The following NFIX variants were observed in gnomAD, a reference collection of about 807,000 sequenced individuals.
The protein encoded by NFIX is nuclear factor I X.
Under a neutral mutation model 53.3 loss-of-function variants are expected in NFIX, and 2 were observed. The observed-to-expected ratio is 0.04, with a 90% CI of 0.02 to 0.12. NFIX has a LOEUF of 0.12. Ranked by LOEUF, NFIX falls within the 10% of genes least tolerant of loss-of-function variation. The pLI, the probability that NFIX is intolerant of heterozygous loss-of-function variation, is 1.00. For missense variants in NFIX, 310 were observed against 674.5 expected (o/e 0.46, Z 5.99); for synonymous variants, 244 against 289.0 (o/e 0.84, Z 1.58).
At chr19:13,062,013 C>A (rs145622705) in intron 2 of NFIX, among the ~76,000 whole-genome samples, 2 of 152,108 alleles carry the variant, frequency 1.3e-5, no homozygotes, top group Non-Finnish European at 2.9e-5. Flanking sequence ...GGGCTCCAAG[C>A]TGGAAATTTG....
Position 13,002,160 on chromosome 19 carries a change from C to T in NFIX, c.27+6296C>T, listed in dbSNP as rs535733623. Reference sequence around the variant, plus strand: ...CCATCCCTCCGAGGCTCTGAGGGCGCGGATTTGGAAACTGAGGTCCCCCCT... The same window carrying T: ...CCATCCCTCCGAGGCTCTGAGGGCGTGGATTTGGAAACTGAGGTCCCCCCT... On this transcript the variant is annotated intron_variant, in intron 1 of 10. Transcript: ENST00000592199. The surrounding 1 kb of genome is among the most constrained non-coding windows in gnomAD (Gnocchi z 6.1). 5.5e-4 allele frequency among the ~76,000 whole-genome samples: 84 copies of T among 151,854 alleles called. No individual in the cohort carries two copies. The highest frequency in any genetic ancestry group is 1.9e-3 in the African/African-American group (80 of 41,416).
rs2014182353 is a variant in NFIX, at chr19:13,036,278, G to A, written c.559+10726G>A. On this transcript the variant is annotated intron_variant, in intron 2 of 10. Coordinates refer to ENST00000592199, the MANE Select transcript of NFIX (RefSeq NM_001365902.3). The surrounding 1 kb of genome is among the most constrained non-coding windows in gnomAD (Gnocchi z 4.7). ...GAGGCTTCCTTTCTTAAAATGGGGG[G>A]ATGAAGCGTCAGTCATGCTTCCAGG... Among the ~76,000 whole-genome samples the A allele has an allele frequency of 6.6e-6, 1 of 152,208 alleles. No homozygotes were observed. The highest frequency in any genetic ancestry group is 6.5e-5 in the Admixed American group (1 of 15,274).
At chr19:13,003,099 G>A (rs1291577773) in intron 1 of NFIX, among the ~76,000 whole-genome samples, 1 of 151,478 alleles carries the variant, frequency 6.6e-6, no homozygotes, top group Non-Finnish European at 1.5e-5. Flanking sequence ...ATCTTGGGGA[G>A]TTGGGGGGGG....
At chr19:13,056,644 G>GC (rs2015713638) in intron 2 of NFIX, among the ~76,000 whole-genome samples, 2 of 152,188 alleles carry the variant, frequency 1.3e-5, no homozygotes, top group Non-Finnish European at 2.9e-5. Context: ...TACACCCGAG[G>GC]CCAGGGAACC....
In NFIX at chr19:13,090,451, C is replaced by A; in HGVS notation, c.1494+61C>A. 6.7e-7 allele frequency: 1 copy of A among 1,484,156 alleles called. No individual in the cohort carries two copies. The highest frequency in any genetic ancestry group is 9.4e-7 in the Non-Finnish European group (1 of 1,063,034). The allele number at this position is 1,484,156 out of a possible 1,614,324, so 91.9% of individuals were successfully genotyped here. A position where few individuals can be genotyped will look rare whatever the true frequency, so the allele number is the denominator to read the frequency against. On this transcript the variant is annotated intron_variant, in intron 10 of 10. Transcript: ENST00000592199. This position sits in a 1 kb window ranked among gnomAD's most constrained non-coding sequence, Gnocchi z 6.6. ...CAGGGGAGTAGTCAGGGTTGGGGGGCATCTTGGTGTTAGGGAAGAGCCTGG... is the reference window on the plus strand; with the variant it reads ...CAGGGGAGTAGTCAGGGTTGGGGGGAATCTTGGTGTTAGGGAAGAGCCTGG...
rs1381657924 is a variant in NFIX, at chr19:13,088,980, G to C, written c.1402+844G>C. ...TGGGGCGGGTGCTGTCTGTGGGCCA[G>C]GGTGGGCAGCTCTGGGGGTGGGCAG... On this transcript the variant is annotated intron_variant, in intron 9 of 10. Coordinates refer to ENST00000592199, the MANE Select transcript of NFIX (RefSeq NM_001365902.3). The surrounding 1 kb of genome is among the most constrained non-coding windows in gnomAD (Gnocchi z 5.9). Among the ~76,000 whole-genome samples, 3 of 152,084 alleles carry C rather than the reference G, an allele frequency of 2.0e-5. No homozygotes were observed. The highest frequency in any genetic ancestry group is 1.5e-5 in the Non-Finnish European group (1 of 67,986).
chr19:13,026,873 T>A (rs2013407013), intron 2 of NFIX, among the ~76,000 whole-genome samples: 1 of 152,186 alleles, frequency 6.6e-6, no homozygotes, highest in Non-Finnish European at 1.5e-5. Context: ...GCAAAGGTTG[T>A]TTCTCCGCGA....
At chr19:13,038,083 T>C (rs985652962) in intron 2 of NFIX, among the ~76,000 whole-genome samples, 1 of 152,150 alleles carries the variant, frequency 6.6e-6, no homozygotes, top group Non-Finnish European at 1.5e-5. Flanking sequence ...TTCTGTGGCC[T>C]GGAAACCTTT....
At chr19:13,026,366 GCAAA>G (rs751574847) in intron 2 of NFIX, among the ~76,000 whole-genome samples, 14 of 147,882 alleles carry the variant, frequency 9.5e-5, no homozygotes, top group Admixed American at 2.0e-4. Context: ...TCTTAAACAA[GCAAA>G]CAAACAAACC....
chr19:13,012,271 G>A lies in NFIX; in HGVS notation c.28-12750G>A, dbSNP rs1342275669. ...GACCGCGGACCCCGGGGGCAGGTGA[G>A]GGGAAACTGGGAGCATAGGTCTGGC... On this transcript the variant is annotated intron_variant, in intron 1 of 10. Transcript: ENST00000592199. This position sits in a 1 kb window ranked among gnomAD's most constrained non-coding sequence, Gnocchi z 5.0. 1 of 152,502 alleles carries A rather than the reference G, an allele frequency of 6.6e-6. No individual in the cohort carries two copies. The highest frequency in any genetic ancestry group is 6.5e-5 in the Admixed American group (1 of 15,292). The allele number at this position is 152,502 out of a possible 1,614,324, so 9.4% of individuals were successfully genotyped here.
intron 2 of NFIX, among the ~76,000 whole-genome samples, chr19:13,044,025 G>A (rs2014818842): frequency 2.0e-5 from 3 of 151,508 alleles, no homozygotes; most frequent in East Asian, 1.9e-4. Flanking sequence ...CATCCTATTC[G>A]GCCCATGGAA....
In NFIX at chr19:13,041,789, G is replaced by C. The variant is rs1043362698; in HGVS notation, c.559+16237G>C. ...AGCCTGGGCAACAGAGCCAGACTCC[G>C]TCTCAAAAAAAAAAAAAAAAATCAG... On this transcript the variant is annotated intron_variant, in intron 2 of 10. Coordinates refer to ENST00000592199, the MANE Select transcript of NFIX (RefSeq NM_001365902.3). Among the ~76,000 whole-genome samples the C allele has an allele frequency of 9.5e-5, 12 of 126,440 alleles. 1 individual carries two copies. Among genetic ancestry groups the C allele is most frequent in the Admixed American group, 2.2e-4 (3 of 13,408 alleles). The allele number at this position is 126,440 out of a possible 152,430, so 82.9% of individuals were successfully genotyped here.
rs2012942041 is a variant in NFIX, at chr19:13,021,224, A to C, written c.28-3797A>C. On this transcript the variant is annotated intron_variant, in intron 1 of 10. Transcript: ENST00000592199. This position sits in a 1 kb window ranked among gnomAD's most constrained non-coding sequence, Gnocchi z 4.2. The stretch of plus-strand genomic sequence containing the variant: ...TGGACTGAAGCTGGTTATTAACATG[A>C]TGTGAATTATTGGACACCACCCTAA... Among the ~76,000 whole-genome samples, 1 of 152,008 alleles carries C rather than the reference A, an allele frequency of 6.6e-6. No homozygotes were observed. The highest frequency in any genetic ancestry group is 6.5e-5 in the Admixed American group (1 of 15,268).
intron 1 of NFIX, among the ~76,000 whole-genome samples, chr19:13,018,249 G>A (rs911834759): frequency 3.3e-5 from 5 of 149,832 alleles, no homozygotes; most frequent in Non-Finnish European, 1.5e-5. Context: ...GAGCAGAGGA[G>A]CATTTGGAGC....
chr19:13,024,318 T>C (rs2013147231), intron 1 of NFIX, among the ~76,000 whole-genome samples: 1 of 152,202 alleles, frequency 6.6e-6, no homozygotes, highest in South Asian at 2.1e-4. Flanking sequence ...GTGATTAACA[T>C]TAGTATTGGT....
chr19:13,019,906 A>T (rs1200556308), intron 1 of NFIX, among the ~76,000 whole-genome samples: 1 of 151,234 alleles, frequency 6.6e-6, no homozygotes, highest in East Asian at 1.9e-4. Flanking sequence ...TTTCCCCCAC[A>T]ATGTTTCCTG....
intron 1 of NFIX, among the ~76,000 whole-genome samples, chr19:13,019,333 T>A (rs756337384): frequency 8.5e-5 from 13 of 152,224 alleles, no homozygotes; most frequent in Non-Finnish European, 1.6e-4. Flanking sequence ...CTTCAAATAA[T>A]CCATACAGGC....
chr19:13,055,870 G>A (rs1163785307), intron 2 of NFIX, among the ~76,000 whole-genome samples: 2 of 152,250 alleles, frequency 1.3e-5, no homozygotes, highest in African/African-American at 2.4e-5. Flanking sequence ...ATCTCACCTC[G>A]CGCCTCCCTG....
intron 2 of NFIX, among the ~76,000 whole-genome samples, chr19:13,063,944 G>A (rs1262734934): frequency 2.0e-5 from 3 of 152,198 alleles, no homozygotes; most frequent in Admixed American, 2.0e-4. Flanking sequence ...GAGCAGCTGG[G>A]GGTGAGGGTG....
Sources: allele counts gnomAD v4.1 joint callset (sites outside exome capture counted in the v4.1 genomes callset), GRCh38; gene constraint gnomAD v4.1.1; non-coding constraint Gnocchi (gnomAD v3.1); transcripts MANE v1.5; gene names NCBI Gene and HGNC (gene_info 2026-07-23, HGNC 2026-07-21).